The following PDE11A variants were observed in gnomAD, a reference collection of about 807,000 sequenced individuals.
PDE11A encodes the protein dual 3',5'-cyclic-AMP and -GMP phosphodiesterase 11A.
In PDE11A, 100 loss-of-function variants were observed where a neutral mutation model predicts 100.5. The ratio of observed to expected loss-of-function variants is 1.00; its 90% CI spans 0.85 to 1.18. The LOEUF is 1.18. PDE11A is among the 50% of genes most tolerant of loss of function. The pLI, the probability that PDE11A is intolerant of heterozygous loss-of-function variation, is 0.00. For synonymous variants in PDE11A, 381 were observed against 420.8 expected (o/e 0.91, Z 1.16); for missense variants, 1,141 against 1,152.6 (o/e 0.99, Z 0.15).
chr2:177,785,945 A>G (rs1156812435), intron 9 of PDE11A, among the ~76,000 whole-genome samples: 1 of 152,234 alleles, frequency 6.6e-6, no homozygotes, highest in East Asian at 1.9e-4. Flanking sequence ...TGTAGGCTCC[A>G]CTTCTGGGGG....
At chr2:177,725,557 CA>C (rs1204561349) in intron 12 of PDE11A, among the ~76,000 whole-genome samples, 53 of 152,162 alleles carry the variant, frequency 3.5e-4, no homozygotes, top group African/African-American at 1.3e-3. Context: ...TGCAAAAAAA[CA>C]AAACCTAAGC....
chr2:177,690,531 T>A (rs1269116188), intron 15 of PDE11A, among the ~76,000 whole-genome samples: 1 of 152,260 alleles, frequency 6.6e-6, no homozygotes, highest in Non-Finnish European at 1.5e-5. Context: ...GATATTAATC[T>A]AATTTTTAAA....
At chr2:177,919,146 G>C (rs1411485026) in intron 2 of PDE11A, among the ~76,000 whole-genome samples, 1 of 150,218 alleles carries the variant, frequency 6.7e-6, no homozygotes, top group Non-Finnish European at 1.5e-5. Context: ...TGCCCAGGCT[G>C]GAGTGCAGTG....
chr2:177,866,685 T>C (rs1171040855), intron 5 of PDE11A, among the ~76,000 whole-genome samples: 3 of 152,228 alleles, frequency 2.0e-5, no homozygotes, highest in Non-Finnish European at 4.4e-5. Flanking sequence ...CAGGGATATA[T>C]TGTATTCGCT....
chr2:177,742,494 C>T (rs1467420667), intron 10 of PDE11A, among the ~76,000 whole-genome samples: 3 of 152,150 alleles, frequency 2.0e-5, no homozygotes, highest in Admixed American at 6.5e-5. Context: ...TGCTCTCCAT[C>T]GAAGTTGCTG....
At chr2:177,671,131 A>C (rs2080672810) in intron 17 of PDE11A, among the ~76,000 whole-genome samples, 1 of 152,174 alleles carries the variant, frequency 6.6e-6, no homozygotes, top group Non-Finnish European at 1.5e-5. Flanking sequence ...GGTCTTTTGC[A>C]TTAAAGAATG....
rs1383985275 is a variant in PDE11A, at chr2:177,626,638, A to G, written c.*2769T>C. 6.6e-6 allele frequency: 1 copy of G among 152,300 alleles called. No individual in the cohort carries two copies. Among genetic ancestry groups the G allele is most frequent in the Non-Finnish European group, 1.5e-5 (1 of 67,980 alleles). 9.4% of individuals were successfully genotyped at this position (152,300 alleles called of 1,614,324 possible). A position where few individuals can be genotyped will look rare whatever the true frequency, so the allele number is the denominator to read the frequency against. On this transcript the variant is annotated 3_prime_UTR_variant, in exon 20 of 20. Coordinates refer to ENST00000286063, the MANE Select transcript of PDE11A (RefSeq NM_016953.4). ...TTAATAAAATCCATAAATCTGAACAACCTCCTCTTACCTGCTCTGCAGAGG... is the reference window on the plus strand; with the variant it reads ...TTAATAAAATCCATAAATCTGAACAGCCTCCTCTTACCTGCTCTGCAGAGG...
Position 177,898,154 on chromosome 2 carries a change from G to T in PDE11A, c.1206C>A (p.Asp402Glu). ...VVNDLFEEQT[D>E]LEKIVKKIMH... ...TTATTTTCTTGACAATTTTCTCCAG[G>T]TCAGTCTGTTCTTCAAAGAGGTCAT... Residue 402 changes from aspartate to glutamate, a missense_variant, in exon 4 of 20, where the codon GAC becomes GAA. Physicochemically the swap from Asp to Glu is conservative, Grantham distance 45 (BLOSUM62 2). Coordinates refer to ENST00000286063, the MANE Select transcript of PDE11A (RefSeq NM_016953.4). 6.2e-7 allele frequency: 1 copy of T among 1,608,966 alleles called. No individual in the cohort carries two copies. Among genetic ancestry groups the T allele is most frequent in the Non-Finnish European group, 8.5e-7 (1 of 1,175,366 alleles).
At chr2:177,663,440 TA>T (rs879448595) in intron 19 of PDE11A, among the ~76,000 whole-genome samples, 8,502 of 132,670 alleles carry the variant, frequency 0.064, 413 homozygotes, top group African/African-American at 0.14. Context: ...AGAAAATTTG[TA>T]AAAAAAAAAA....
intron 9 of PDE11A, among the ~76,000 whole-genome samples, chr2:177,777,879 G>A (rs2082400144): frequency 6.6e-6 from 1 of 152,202 alleles, no homozygotes; most frequent in African/African-American, 2.4e-5. Context: ...GAAAATTTCT[G>A]ATAGATGGAT....
At chr2:178,017,793 T>C (rs530933948) in intron 1 of PDE11A, among the ~76,000 whole-genome samples, 3 of 152,176 alleles carry the variant, frequency 2.0e-5, no homozygotes, top group African/African-American at 7.2e-5. Flanking sequence ...ACCTTGTCTC[T>C]ACTAAAAATA....
intron 1 of PDE11A, among the ~76,000 whole-genome samples, 196 bp downstream of exon 1, chr2:178,071,330 T>C (rs903716263): frequency 3.3e-5 from 5 of 152,156 alleles, no homozygotes; most frequent in African/African-American, 4.8e-5. Flanking sequence ...CCACAAGCCA[T>C]TGGGTGTTAA....
chr2:177,698,590 G>A (rs1253482982), intron 14 of PDE11A: 3 of 151,972 alleles, frequency 2.0e-5, no homozygotes, highest in Admixed American at 1.3e-4. Context: ...ATTATTTCAG[G>A]GAACTAGGAT....
intron 10 of PDE11A, among the ~76,000 whole-genome samples, chr2:177,765,955 C>T (rs567428439): frequency 1.3e-5 from 2 of 152,248 alleles, no homozygotes; most frequent in African/African-American, 4.8e-5. Flanking sequence ...AAAATTTGAC[C>T]TCCAGATTTT....
intron 4 of PDE11A, among the ~76,000 whole-genome samples, chr2:177,886,971 T>C (rs551965417): frequency 6.6e-6 from 1 of 152,240 alleles, no homozygotes; most frequent in East Asian, 1.9e-4. Context: ...CTGGCAGTGA[T>C]GGTCGGAATT....
chr2:178,073,180 G>T, upstream of PDE11A: 2 of 536,716 alleles, frequency 3.7e-6, no homozygotes, highest in Non-Finnish European at 4.8e-6. Context: ...CGAGAGTGTC[G>T]TTCACCCTCA....
intron 2 of PDE11A, among the ~76,000 whole-genome samples, chr2:177,907,213 C>T (rs1301950576): frequency 2.6e-5 from 4 of 151,994 alleles, no homozygotes; most frequent in African/African-American, 7.3e-5. Flanking sequence ...GTGTGAAGTG[C>T]AACAAATCAT....
rs78030883 is a variant in PDE11A at position 177,784,192 on chromosome 2, C to A, written c.1738-14819G>T. On this transcript the variant is annotated intron_variant, in intron 9 of 19. Transcript: ENST00000286063. ...TCAGCAGGACTTGTTTCACAAGATA[C>A]AGACCACAAAGACTGCTGATAAAAC... 2.7e-3 allele frequency among the ~76,000 whole-genome samples: 405 copies of A among 149,760 alleles called. 2 individuals are homozygous for A. In the East Asian group the frequency reaches 0.038, roughly 14 times the overall value.
chr2:177,986,409 A>G (rs2085939913), intron 2 of PDE11A, among the ~76,000 whole-genome samples: 1 of 152,240 alleles, frequency 6.6e-6, no homozygotes, highest in Non-Finnish European at 1.5e-5. Flanking sequence ...AACATGTTTC[A>G]TGAATGTTCT....
Sources: gnomAD v4.1 joint callset for allele counts (sites outside exome capture counted in the v4.1 genomes callset) on GRCh38, gnomAD v4.1.1 for gene constraint, MANE v1.5 for transcripts, NCBI Gene and HGNC (gene_info 2026-07-23, HGNC 2026-07-21) for gene names.